SLC8B1: variants seen among roughly 807,000 people sequenced by gnomAD.
The protein encoded by SLC8B1 is solute carrier family 8 member B1, also known as mitochondrial sodium/calcium exchanger protein.
A neutral mutation model predicts 63.4 loss-of-function variants in SLC8B1; 52 were observed. The observed-to-expected ratio is 0.82, with a 90% CI of 0.66 to 1.03. The LOEUF is 1.03. SLC8B1 is among the 50% of genes least tolerant of loss of function. SLC8B1 has a pLI of 0.00. For missense variants in SLC8B1, 657 were observed against 741.7 expected (o/e 0.89, Z 1.33); for synonymous variants, 336 against 323.9 (o/e 1.04, Z -0.40).
chr12:113,332,449 G>A (rs1566248191), intron 2 of SLC8B1, among the ~76,000 whole-genome samples: 1 of 152,148 alleles, frequency 6.6e-6, no homozygotes, highest in Non-Finnish European at 1.5e-5. Context: ...ATTTTTAGTA[G>A]ATACGGGGTT....
chr12:113,314,978 C>T (rs1343503648), intron 11 of SLC8B1, among the ~76,000 whole-genome samples: 1 of 152,174 alleles, frequency 6.6e-6, no homozygotes, highest in Non-Finnish European at 1.5e-5. Flanking sequence ...AAACCTCCCT[C>T]ACGTGGTTGA....
intron 2 of SLC8B1, among the ~76,000 whole-genome samples, chr12:113,327,893 G>T (rs7974580): frequency 6.7e-6 from 1 of 149,348 alleles, no homozygotes; most frequent in African/African-American, 2.5e-5. Flanking sequence ...CAGGAGAATC[G>T]CTTGAACCCA....
In SLC8B1 at chr12:113,305,805, A is replaced by G. The variant is rs1956663640; in HGVS notation, c.1492+690T>C. Among the ~76,000 whole-genome samples, 1 of 152,158 alleles carries G rather than the reference A, an allele frequency of 6.6e-6. No individual in the cohort carries two copies. Among genetic ancestry groups the G allele is most frequent in the South Asian group, 2.1e-4 (1 of 4,834 alleles). ...GCCAGGTGTGGTGGCTCACGCCTGT[A>G]ATCCCAGCACTTGGAGGCTGAGGCT... On this transcript the variant is annotated intron_variant, in intron 14 of 15. Transcript: ENST00000680972. The surrounding 1 kb of genome is among the most constrained non-coding windows in gnomAD (Gnocchi z 4.3).
intron 2 of SLC8B1, among the ~76,000 whole-genome samples, chr12:113,322,472 G>A (rs1417915552): frequency 6.6e-6 from 1 of 152,164 alleles, no homozygotes; most frequent in Non-Finnish European, 1.5e-5. Flanking sequence ...TATAGCCAAT[G>A]AGCTTCCTCA....
chr12:113,299,507 T>A lies in SLC8B1; in HGVS notation c.*270A>T. On this transcript the variant is annotated 3_prime_UTR_variant, in exon 16 of 16. Coordinates refer to ENST00000680972, the MANE Select transcript of SLC8B1 (RefSeq NM_001358345.2). ...TTCTCAGAGGGGCTCTGGGGGTCAT[T>A]CAAGGGGGACTTCTAGCTTCTCTCT... 4.6e-6 allele frequency: 2 copies of A among 438,342 alleles called. No individual in the cohort carries two copies. The highest frequency in any genetic ancestry group is 4.4e-5 in the South Asian group (2 of 45,186). 27.2% of individuals were successfully genotyped at this position (438,342 alleles called of 1,614,324 possible).
In SLC8B1 at chr12:113,334,123, T is replaced by C. The variant is rs377714064; in HGVS notation, c.-83+320A>G. On this transcript the variant is annotated intron_variant, in intron 1 of 15. Coordinates refer to ENST00000680972, the MANE Select transcript of SLC8B1 (RefSeq NM_001358345.2). ...AGTTGAGTTGCTCAAAGACCGCGGG[T>C]TAGCAGTGGGGCCGGGCTGGTCACC... Among the ~76,000 whole-genome samples the C allele has an allele frequency of 5.5e-4, 84 of 152,292 alleles. 1 individual carries two copies. In the South Asian group the frequency reaches 0.012, roughly 22 times the overall value.
intron 2 of SLC8B1, among the ~76,000 whole-genome samples, chr12:113,325,634 G>A (rs1346845414): frequency 6.7e-6 from 1 of 149,602 alleles, no homozygotes; most frequent in East Asian, 2.0e-4. Flanking sequence ...GCGCTATCTC[G>A]GCTCACGGCA....
chr12:113,310,818 G>A (rs1334765201), intron 11 of SLC8B1, among the ~76,000 whole-genome samples: 1 of 152,118 alleles, frequency 6.6e-6, no homozygotes, highest in African/African-American at 2.4e-5. Flanking sequence ...AGGTTCCAGA[G>A]GCTTCATATT....
intron 2 of SLC8B1, among the ~76,000 whole-genome samples, chr12:113,321,846 T>C (rs2136857024): frequency 6.6e-6 from 1 of 152,086 alleles, no homozygotes; most frequent in African/African-American, 2.4e-5. Context: ...GTGATTTCTA[T>C]ATGCAAAGCA....
In SLC8B1 at chr12:113,320,384, A is replaced by G. The variant is rs1444379289; in HGVS notation, c.641T>C (p.Phe214Ser). 2 of 1,614,084 alleles carry G rather than the reference A, an allele frequency of 1.2e-6. No individual in the cohort carries two copies. The highest frequency in any genetic ancestry group is 1.7e-6 in the Non-Finnish European group (2 of 1,180,050). Reference protein sequence around the residue: ...RDIVFYMVAVFLTFLMLFRGR... With the variant: ...RDIVFYMVAVSLTFLMLFRGR... ...ACGGAAGAGCATGAGGAAGGTCAGG[A>G]ACACAGCCACCATGTAGAAAACGAT... is the stretch of plus-strand genomic sequence containing the variant. Residue 214 changes from phenylalanine to serine, a missense_variant, in exon 7 of 16, where the codon TTC becomes TCC. Physicochemically the swap from Phe to Ser is radical, Grantham distance 155. Coordinates refer to ENST00000680972, the MANE Select transcript of SLC8B1 (RefSeq NM_001358345.2). This position sits in a 1 kb window ranked among gnomAD's most constrained non-coding sequence, Gnocchi z 5.3.
chr12:113,316,718 C>A, intron 9 of SLC8B1, 62 bp from the exon 10 acceptor site: 1 of 1,593,068 alleles, frequency 6.3e-7, no homozygotes, highest in Non-Finnish European at 8.6e-7. Context: ...AGGAAACCTT[C>A]CCCGCTCCAT....
intron 2 of SLC8B1, among the ~76,000 whole-genome samples, chr12:113,325,809 C>T (rs980413656): frequency 2.6e-5 from 4 of 151,894 alleles, no homozygotes; most frequent in Non-Finnish European, 4.4e-5. Context: ...GTGATCCACC[C>T]GCCTCGGCCT....
chr12:113,303,141 A>ACACACACACACACG (rs773636454), intron 15 of SLC8B1, among the ~76,000 whole-genome samples: 3,894 of 145,500 alleles, frequency 0.027, 65 homozygotes, highest in African/African-American at 0.037. Flanking sequence ...ACACACACAC[A>ACACACACACACACG]CGCGCGCGCA....
At chr12:113,328,291 C>T (rs1330200273) in intron 2 of SLC8B1, among the ~76,000 whole-genome samples, 1 of 152,102 alleles carries the variant, frequency 6.6e-6, no homozygotes, top group African/African-American at 2.4e-5. Flanking sequence ...GGCCTTCCAA[C>T]GTGCTGGGAT....
chr12:113,326,335 T>C (rs1357110434), intron 2 of SLC8B1, among the ~76,000 whole-genome samples: 1 of 152,154 alleles, frequency 6.6e-6, no homozygotes, highest in Non-Finnish European at 1.5e-5. Flanking sequence ...CTAGCTCTTA[T>C]TCTATTCTTT....
At chr12:113,331,386 GAA>G (rs752575330) in intron 2 of SLC8B1, among the ~76,000 whole-genome samples, 15,918 of 85,074 alleles carry the variant, frequency 0.19, 1,018 homozygotes, top group African/African-American at 0.27. Flanking sequence ...GACTGTTCTC[GAA>G]AAAAAAAAAA....
Position 113,304,316 on chromosome 12 carries a change from C to T in SLC8B1, c.1557+5G>A, listed in dbSNP as rs754456012. 1.1e-5 allele frequency: 17 copies of T among 1,613,778 alleles called. No individual in the cohort carries two copies. The highest frequency in any genetic ancestry group is 1.4e-5 in the Non-Finnish European group (17 of 1,179,722). On this transcript the variant is annotated splice_donor_5th_base_variant and intron_variant, in intron 15 of 15. Transcript: ENST00000680972. ...TACACTTGTAAACTTACAAGGAATA[C>T]TCACCTTCACTTCTGTGTGGCTTCG...
In SLC8B1 at chr12:113,299,805, A is replaced by C. The variant is rs1202744725; in HGVS notation, c.1727T>G (p.Phe576Cys). The C allele has an allele frequency of 6.2e-7, 1 of 1,614,194 alleles. No homozygotes were observed. Among genetic ancestry groups the C allele is most frequent in the Non-Finnish European group, 8.5e-7 (1 of 1,180,026 alleles). Residue 576 changes from phenylalanine to cysteine, a missense_variant, in exon 16 of 16, where the codon TTT (phenylalanine) becomes TGT (cysteine). By Grantham distance (205) the Phe-to-Cys change is radical. Coordinates refer to ENST00000680972, the MANE Select transcript of SLC8B1 (RefSeq NM_001358345.2). ...NFLVVALLTE[F>C]GVIHLKSM Reference sequence around the variant, plus strand: ...CATGCTTTTCAGGTGAATCACTCCAAATTCAGTGAGGAGGGCCACGACAAG... The same window carrying C: ...CATGCTTTTCAGGTGAATCACTCCACATTCAGTGAGGAGGGCCACGACAAG...
intron 11 of SLC8B1, among the ~76,000 whole-genome samples, chr12:113,312,023 G>A (rs1956769668): frequency 6.6e-6 from 1 of 152,056 alleles, no homozygotes; most frequent in Admixed American, 6.6e-5. Context: ...GATCTGAGCT[G>A]AGTGTTAAGC....
Sources: gnomAD v4.1 joint callset for allele counts (sites outside exome capture counted in the v4.1 genomes callset) on GRCh38, gnomAD v4.1.1 for gene constraint, Gnocchi (gnomAD v3.1) non-coding constraint, MANE v1.5 for transcripts, NCBI Gene and HGNC (gene_info 2026-07-23, HGNC 2026-07-21) for gene names.